Variants in PTCH1 observed in about 807,000 individuals in gnomAD.
The protein encoded by PTCH1 is patched 1.
In PTCH1, 14 loss-of-function variants were observed where a neutral mutation model predicts 144.6. That is an observed-to-expected ratio of 0.10 (90% CI 0.06 to 0.15). The LOEUF (loss-of-function observed/expected upper bound fraction) is 0.15, where lower values mean the gene tolerates loss of function less well. PTCH1 is among the 10% of genes least tolerant of loss of function. The pLI is 1.00. For missense variants in PTCH1, 1,623 were observed against 1,948.3 expected (o/e 0.83, Z 3.14); for synonymous variants, 833 against 793.6 (o/e 1.05, Z -0.83).
chr9:95,512,982 T>C (rs1342959832), upstream of PTCH1, among the ~76,000 whole-genome samples: 9 of 152,196 alleles, frequency 5.9e-5, no homozygotes, highest in Admixed American at 3.3e-4. Flanking sequence ...AGACTTCTCA[T>C]TGGAGTGTGT....
At position 95,449,747 on chromosome 9, in the gene PTCH1, G is replaced by T; in HGVS notation, c.3549+94C>A. On this transcript the variant is annotated intron_variant, in intron 21 of 23. Transcript: ENST00000331920. This position sits in a 1 kb window ranked among gnomAD's most constrained non-coding sequence, Gnocchi z 5.3. ...ATGTTTACTGAAGAACCACCAGCAA[G>T]TGGGGAGGCACCTAAGTATCGAAGT... 8.7e-7 allele frequency: 1 copy of T among 1,150,660 alleles called. No homozygotes were observed. The highest frequency in any genetic ancestry group is 1.3e-6 in the Non-Finnish European group (1 of 773,590). The allele number at this position is 1,150,660 out of a possible 1,614,324, so 71.3% of individuals were successfully genotyped here. A position where few individuals can be genotyped will look rare whatever the true frequency, so the allele number is the denominator to read the frequency against.
chr9:95,493,685 G>A (rs1842590069), intron 2 of PTCH1, among the ~76,000 whole-genome samples: 5 of 151,976 alleles, frequency 3.3e-5, no homozygotes, highest in Admixed American at 3.3e-4. Context: ...TCTTTTAGTT[G>A]CTCAGGTCCT....
intron 2 of PTCH1, 92 bp downstream of exon 2, chr9:95,506,315 A>G: frequency 7.1e-7 from 1 of 1,417,382 alleles, no homozygotes. Context: ...CGCCGGCCGC[A>G]GCCAGGCTCT....
At chr9:95,510,630 T>C (rs1844102099), upstream of PTCH1, among the ~76,000 whole-genome samples, 1 of 151,936 alleles carries the variant, frequency 6.6e-6, no homozygotes, top group South Asian at 2.1e-4. Context: ...TTTTTTTTTT[T>C]AAACGGGGTT....
At chr9:95,504,056 A>C (rs3958435) in intron 2 of PTCH1, among the ~76,000 whole-genome samples, 624 of 56,444 alleles carry the variant, frequency 0.011, 228 homozygotes, top group African/African-American at 0.084. Flanking sequence ...AAAAAAAAAA[A>C]AAAAAAAAGA....
Position 95,508,811 on chromosome 9 carries a change from C to CG in PTCH1, c.-451dup. The CG allele has an allele frequency of 1.0e-6, 1 of 984,760 alleles. No individual in the cohort carries two copies. Among genetic ancestry groups the CG allele is most frequent in the Non-Finnish European group, 1.2e-6 (1 of 829,780 alleles). 61.0% of individuals were successfully genotyped at this position (984,760 alleles called of 1,614,324 possible). ...AGAGCCAGCGAATCCCCGCTGCTCCCGCCGGCCGCGCTGGCTCTCTCGGCG... is the reference window on the plus strand; with the variant it reads ...AGAGCCAGCGAATCCCCGCTGCTCCCGGCCGGCCGCGCTGGCTCTCTCGGCG... On this transcript the variant is annotated 5_prime_UTR_variant, in exon 1 of 24. The change abolishes the stop of an existing upstream ORF in the 5' untranslated region. Coordinates refer to ENST00000331920, the MANE Select transcript of PTCH1 (RefSeq NM_000264.5).
intron 2 of PTCH1, among the ~76,000 whole-genome samples, chr9:95,488,878 T>C (rs1842180854): frequency 6.6e-6 from 1 of 152,188 alleles, no homozygotes; most frequent in African/African-American, 2.4e-5. Context: ...TTTGAAGAGC[T>C]GGAGAAACAG....
chr9:95,494,565 G>A (rs1842665124), intron 2 of PTCH1, among the ~76,000 whole-genome samples: 1 of 152,180 alleles, frequency 6.6e-6, no homozygotes, highest in South Asian at 2.1e-4. Context: ...CACAACCTCA[G>A]GTGCAACCAG....
chr9:95,510,536 T>A (rs982502997), upstream of PTCH1, among the ~76,000 whole-genome samples: 2 of 152,144 alleles, frequency 1.3e-5, no homozygotes, highest in South Asian at 2.1e-4. Context: ...GAAAGTGGAA[T>A]GTGTTTTTCT....
rs1264535614 is a variant in PTCH1 at position 95,449,794 on chromosome 9, A to G, written c.3549+47T>C. On this transcript the variant is annotated intron_variant, in intron 21 of 23. Transcript: ENST00000331920. The surrounding 1 kb of genome is among the most constrained non-coding windows in gnomAD (Gnocchi z 5.3). ...AAGTGAAGAGCGGCACAGGAAACACAGCATTCAGCCGGCCTACACGTGGGA... is the reference window on the plus strand; with the variant it reads ...AAGTGAAGAGCGGCACAGGAAACACGGCATTCAGCCGGCCTACACGTGGGA... 2 of 1,523,502 alleles carry G rather than the reference A, an allele frequency of 1.3e-6. No homozygotes were observed. The highest frequency in any genetic ancestry group is 1.1e-5 in the South Asian group (1 of 88,608). The allele number at this position is 1,523,502 out of a possible 1,614,324, so 94.4% of individuals were successfully genotyped here.
At chr9:95,498,299 G>A (rs1237009780) in intron 2 of PTCH1, among the ~76,000 whole-genome samples, 1 of 152,206 alleles carries the variant, frequency 6.6e-6, no homozygotes, top group Non-Finnish European at 1.5e-5. Flanking sequence ...GGACCCACAT[G>A]CAGAGTGGAC....
chr9:95,460,962 T>C (rs1682363083), intron 16 of PTCH1, among the ~76,000 whole-genome samples: 1 of 152,124 alleles, frequency 6.6e-6, no homozygotes, highest in South Asian at 2.1e-4. Flanking sequence ...ATGTACTTTG[T>C]AAATCTGTCA....
chr9:95,492,757 C>T (rs898877152), intron 2 of PTCH1, among the ~76,000 whole-genome samples: 4 of 151,756 alleles, frequency 2.6e-5, no homozygotes, highest in South Asian at 2.1e-4. Flanking sequence ...GACAATAATC[C>T]GTATTTTTAT....
chr9:95,511,521 G>A (rs1188592275), upstream of PTCH1, among the ~76,000 whole-genome samples: 4 of 152,282 alleles, frequency 2.6e-5, no homozygotes, highest in African/African-American at 7.2e-5. Context: ...CCTGAGCACC[G>A]GGCCAGCGCG....
At chr9:95,500,856 A>C (rs28509458) in intron 2 of PTCH1, among the ~76,000 whole-genome samples, 3,818 of 152,320 alleles carry the variant, frequency 0.025, 142 homozygotes, top group African/African-American at 0.085. Context: ...ACTGGGGTTG[A>C]GGTGCAACCA....
In PTCH1 at chr9:95,490,319, A is replaced by G. The variant is rs1410011661; in HGVS notation, c.395-4445T>C. On this transcript the variant is annotated intron_variant, in intron 2 of 23. Coordinates refer to ENST00000331920, the MANE Select transcript of PTCH1 (RefSeq NM_000264.5). ...TAAACGTATTTATCTCTACAAATAA[A>G]AAGTTAAAGAAATAGCTGTGGAGTA... Among the ~76,000 whole-genome samples, 6 of 151,878 alleles carry G rather than the reference A, an allele frequency of 4.0e-5. No individual in the cohort carries two copies. The East Asian group carries it at 1.2e-3, about 30-fold the overall frequency.
At chr9:95,460,468 G>A (rs190861863) in intron 16 of PTCH1, among the ~76,000 whole-genome samples, 52 of 152,190 alleles carry the variant, frequency 3.4e-4, no homozygotes, top group African/African-American at 7.7e-4. Context: ...GTGTTTGTAC[G>A]TTTTATATAC....
At chr9:95,505,952 G>A (rs902043416) in intron 2 of PTCH1, among the ~76,000 whole-genome samples, 4 of 147,338 alleles carry the variant, frequency 2.7e-5, no homozygotes, top group African/African-American at 9.8e-5. Context: ...CAGCCGGAGG[G>A]GTGGCCTCTG....
At chr9:95,501,847 A>AACTGCT (rs1365476674) in intron 2 of PTCH1, among the ~76,000 whole-genome samples, 1 of 152,214 alleles carries the variant, frequency 6.6e-6, no homozygotes, top group Non-Finnish European at 1.5e-5. Context: ...CAAAAAGGAA[A>AACTGCT]TACCAACAAA....
Sources: gnomAD v4.1 joint callset for allele counts (sites outside exome capture counted in the v4.1 genomes callset) on GRCh38, gnomAD v4.1.1 for gene constraint, Gnocchi (gnomAD v3.1) non-coding constraint, MANE v1.5 for transcripts, NCBI Gene and HGNC (gene_info 2026-07-23, HGNC 2026-07-21) for gene names.